RGS6: variants seen among roughly 807,000 people sequenced by gnomAD.
The protein encoded by RGS6 is regulator of G protein signaling 6.
Under a neutral mutation model 78.5 loss-of-function variants are expected in RGS6, and 30 were observed. That is an observed-to-expected ratio of 0.38 (90% CI 0.29 to 0.52). The LOEUF is 0.52. Among genes scored for constraint, RGS6 ranks in the 20% least tolerant of loss-of-function variants. The pLI, the probability that RGS6 is intolerant of heterozygous loss-of-function variation, is 0.85. For synonymous variants in RGS6, 206 were observed against 206.0 expected, an observed-to-expected ratio of 1.00 and a Z score of 0.00; for missense variants, 495 against 609.7, an observed-to-expected ratio of 0.81 and a Z score of 1.98.
intron 15 of RGS6, among the ~76,000 whole-genome samples, chr14:72,530,510 A>G (rs1335968858): frequency 6.6e-6 from 1 of 152,132 alleles, no homozygotes; most frequent in Non-Finnish European, 1.5e-5. Flanking sequence ...CAACATGGTG[A>G]AACACCGTCT....
chr14:72,593,833 T>C, the RGS6 span, among the ~76,000 whole-genome samples: 4 of 152,124 alleles, frequency 2.6e-5, no homozygotes. Flanking sequence ...CTTCTTAGAA[T>C]GTCCAGAAGC....
chr14:72,149,075 T>A (rs1421432346), intron 2 of RGS6, among the ~76,000 whole-genome samples: 1 of 152,192 alleles, frequency 6.6e-6, no homozygotes, highest in Non-Finnish European at 1.5e-5. Context: ...GCTTGCTCAC[T>A]CAAATGTATG....
intron 3 of RGS6, among the ~76,000 whole-genome samples, chr14:72,391,417 C>G (rs1225760251): frequency 1.3e-5 from 2 of 152,206 alleles, no homozygotes; most frequent in African/African-American, 2.4e-5. Context: ...TAATTTCTCA[C>G]CTCTCATTTG....
chr14:71,905,494 TTTCTC>T, the RGS6 span, among the ~76,000 whole-genome samples: 2 of 152,124 alleles, frequency 1.3e-5, no homozygotes, highest in Non-Finnish European at 2.9e-5. Context: ...CTCTGTTTCT[TTTCTC>T]TTTTTTTTTG....
At chr14:71,955,465 TG>T (rs747847586) in intron 1 of RGS6, among the ~76,000 whole-genome samples, 6 of 152,198 alleles carry the variant, frequency 3.9e-5, no homozygotes, top group Non-Finnish European at 7.3e-5. Context: ...AATTAAAGAA[TG>T]GCTACTCCAT....
At chr14:72,621,853 G>T in the RGS6 span, among the ~76,000 whole-genome samples, 2 of 152,222 alleles carry the variant, frequency 1.3e-5, no homozygotes, top group Non-Finnish European at 2.9e-5. Context: ...TGGTCAGCAA[G>T]CCAGATGATA....
intron 2 of RGS6, among the ~76,000 whole-genome samples, chr14:71,994,185 A>G (rs1189711394): frequency 6.6e-6 from 1 of 152,042 alleles, no homozygotes; most frequent in Non-Finnish European, 1.5e-5. Flanking sequence ...TGTTCCGTCT[A>G]CTTGGGGTGT....
chr14:71,994,060 C>T (rs971325853), intron 2 of RGS6, among the ~76,000 whole-genome samples: 16 of 151,748 alleles, frequency 1.1e-4, no homozygotes, highest in African/African-American at 3.9e-4. Context: ...AAACTGATGC[C>T]AAACTATAGT....
chr14:72,052,855 CAG>C (rs1217835862), intron 2 of RGS6, among the ~76,000 whole-genome samples: 1 of 151,738 alleles, frequency 6.6e-6, no homozygotes, highest in Non-Finnish European at 1.5e-5. Context: ...GATCCGATTT[CAG>C]ACCCCCAGAG....
chr14:72,486,228 A>G (rs2096486338), intron 12 of RGS6, among the ~76,000 whole-genome samples: 2 of 152,188 alleles, frequency 1.3e-5, no homozygotes, highest in Non-Finnish European at 2.9e-5. Flanking sequence ...GAGTCAATTA[A>G]ACCTCTTTCC....
intron 3 of RGS6, among the ~76,000 whole-genome samples, chr14:72,448,810 G>C (rs1400027540): frequency 6.6e-6 from 1 of 152,162 alleles, no homozygotes; most frequent in Non-Finnish European, 1.5e-5. Context: ...AAGAGACACA[G>C]AATAGTATAG....
Position 72,068,137 on chromosome 14 carries a change from A to ATTTT in RGS6, c.84+103273_84+103276dup, listed in dbSNP as rs10691175. Among the ~76,000 whole-genome samples the ATTTT allele has an allele frequency of 2.4e-3, 347 of 145,544 alleles. 4 individuals are homozygous for ATTTT. The highest frequency in any genetic ancestry group is 9.2e-3 in the East Asian group (46 of 4,976). ...CATTTATTTAATTATGTATGTATGTATTTTTTTTTTTTTTGAGACAAGATC... is the reference window on the plus strand; with the variant it reads ...CATTTATTTAATTATGTATGTATGTATTTTTTTTTTTTTTTTTTGAGACAAGATC... On this transcript the variant is annotated intron_variant, in intron 2 of 17. Transcript: ENST00000553525.
chr14:72,575,840 C>A, the RGS6 span, among the ~76,000 whole-genome samples: 4 of 152,182 alleles, frequency 2.6e-5, no homozygotes, highest in Admixed American at 2.6e-4. Flanking sequence ...ATTTTAAAAG[C>A]AGTTCCATTT....
chr14:72,036,387 T>G (rs1415089240), intron 2 of RGS6, among the ~76,000 whole-genome samples: 3 of 152,196 alleles, frequency 2.0e-5, no homozygotes, highest in Middle Eastern at 3.4e-3. Flanking sequence ...GGGGTACAGA[T>G]ATGTTTTCAT....
chr14:72,351,368 G>T (rs1280700991), intron 2 of RGS6, among the ~76,000 whole-genome samples: 1 of 152,052 alleles, frequency 6.6e-6, no homozygotes, highest in Non-Finnish European at 1.5e-5. Context: ...ACCCTCATCA[G>T]TCCATCCCCA....
At chr14:72,516,458 A>T (rs1000725333) in intron 14 of RGS6, among the ~76,000 whole-genome samples, 8 of 152,104 alleles carry the variant, frequency 5.3e-5, no homozygotes, top group Admixed American at 3.9e-4. Flanking sequence ...AAGAAACACG[A>T]CTGCTTTCCT....
At chr14:72,022,849 T>C (rs1386992064) in intron 2 of RGS6, among the ~76,000 whole-genome samples, 1 of 149,872 alleles carries the variant, frequency 6.7e-6, no homozygotes, top group Non-Finnish European at 1.5e-5. Flanking sequence ...AGCTCCCTCC[T>C]GTAACAACCT....
intron 8 of RGS6, among the ~76,000 whole-genome samples, chr14:72,471,355 C>T (rs2096072555): frequency 6.6e-6 from 1 of 152,216 alleles, no homozygotes; most frequent in Non-Finnish European, 1.5e-5. Context: ...ATGATTGGAT[C>T]TGGATCTCCC....
At chr14:72,433,835 G>C (rs1025840097) in intron 3 of RGS6, among the ~76,000 whole-genome samples, 2 of 152,172 alleles carry the variant, frequency 1.3e-5, no homozygotes, top group Non-Finnish European at 2.9e-5. Context: ...GAAAAGGGGG[G>C]GATGATGACC....
Sources: allele counts gnomAD v4.1 joint callset (sites outside exome capture counted in the v4.1 genomes callset), GRCh38; gene constraint gnomAD v4.1.1; transcripts MANE v1.5; gene names NCBI Gene and HGNC (gene_info 2026-07-23, HGNC 2026-07-21).